The following MAGI1 variants were observed in gnomAD, a reference collection of about 807,000 sequenced individuals.
The protein encoded by MAGI1 is membrane associated guanylate kinase, WW and PDZ domain containing 1.
A neutral mutation model predicts 139.9 loss-of-function variants in MAGI1; 58 were observed. The observed-to-expected ratio is 0.41, with a 90% CI of 0.34 to 0.52. MAGI1 has a LOEUF of 0.52. Among genes scored for constraint, MAGI1 ranks in the 20% least tolerant of loss-of-function variants. The pLI, the probability that MAGI1 is intolerant of heterozygous loss-of-function variation, is 0.12. For synonymous variants in MAGI1, 812 were observed against 737.9 expected (o/e 1.10, Z -1.63); for missense variants, 1,874 against 1,901.6 (o/e 0.99, Z 0.27).
At chr3:65,851,648 C>T (rs9872958) in intron 1 of MAGI1, among the ~76,000 whole-genome samples, 1 of 152,074 alleles carries the variant, frequency 6.6e-6, no homozygotes, top group Non-Finnish European at 1.5e-5. Flanking sequence ...ACTCAGGAGG[C>T]TGAGGTAGGA....
chr3:65,542,246 G>T (rs1379382238), intron 2 of MAGI1, among the ~76,000 whole-genome samples: 1 of 152,058 alleles, frequency 6.6e-6, no homozygotes, highest in African/African-American at 2.4e-5. Context: ...AGAATTACAA[G>T]CCACTGCTCA....
intron 1 of MAGI1, among the ~76,000 whole-genome samples, chr3:65,822,868 C>A (rs2042022954): frequency 6.6e-6 from 1 of 152,204 alleles, no homozygotes. Context: ...ATTGCTGAAC[C>A]TGCATGATCC....
At chr3:65,529,972 T>G (rs1367373787) in intron 2 of MAGI1, among the ~76,000 whole-genome samples, 1 of 152,176 alleles carries the variant, frequency 6.6e-6, no homozygotes, top group African/African-American at 2.4e-5. Context: ...TGGAATGTCT[T>G]AAATGACTTT....
At chr3:65,703,751 G>C (rs551113088) in intron 1 of MAGI1, among the ~76,000 whole-genome samples, 1 of 152,162 alleles carries the variant, frequency 6.6e-6, no homozygotes, top group African/African-American at 2.4e-5. Context: ...GGATGCCTGC[G>C]GGAGAGAAGG....
intron 1 of MAGI1, among the ~76,000 whole-genome samples, chr3:65,669,963 C>T (rs527351740): frequency 6.6e-6 from 1 of 152,278 alleles, no homozygotes; most frequent in Non-Finnish European, 1.5e-5. Flanking sequence ...TCTTCAACAT[C>T]ATCTCATCTT....
At chr3:65,749,507 TTGG>T (rs1403223042) in intron 1 of MAGI1, among the ~76,000 whole-genome samples, 1 of 151,872 alleles carries the variant, frequency 6.6e-6, no homozygotes, top group Non-Finnish European at 1.5e-5. Context: ...ACAATGGACT[TTGG>T]GGACTCAAGG....
intron 1 of MAGI1, among the ~76,000 whole-genome samples, chr3:65,799,139 T>C (rs915238370): frequency 6.6e-5 from 10 of 152,252 alleles, no homozygotes; most frequent in African/African-American, 2.4e-4. Context: ...TATGCTGAGG[T>C]TGCTGAGCTC....
At chr3:65,647,581 G>C (rs746523266) in intron 1 of MAGI1, among the ~76,000 whole-genome samples, 2 of 152,098 alleles carry the variant, frequency 1.3e-5, no homozygotes, top group Non-Finnish European at 2.9e-5. Flanking sequence ...TTATTCCAGG[G>C]ATGCAAGGTT....
rs201975771 is a variant in MAGI1 at position 65,356,777 on chromosome 3, G to A, written c.3990C>T (p.Thr1330=). Residue 1330 remains threonine (T), a synonymous_variant, in exon 23 of 23, where the codon ACC becomes ACT. Coordinates refer to ENST00000402939, the MANE Select transcript of MAGI1 (RefSeq NM_001033057.2). ...TCTCCAAAGTGTTGTCGGCGCTGCG[G>A]GTGCCCTCCCTCCGCTTCTCTGGGG... ...RRSPEKRREG[T]RSADNTLERR... 11 of 1,607,848 alleles carry A rather than the reference G, an allele frequency of 6.8e-6. No homozygotes were observed. The highest frequency in any genetic ancestry group is 1.7e-4 in the Middle Eastern group (1 of 6,016).
intron 5 of MAGI1, among the ~76,000 whole-genome samples, chr3:65,463,646 G>C (rs1949975090): frequency 6.6e-6 from 1 of 151,222 alleles, no homozygotes. Flanking sequence ...CTCACAAAAA[G>C]AGTTAGGGTG....
At chr3:65,454,736 C>A (rs1949279767) in intron 5 of MAGI1, among the ~76,000 whole-genome samples, 1 of 70,992 alleles carries the variant, frequency 1.4e-5, no homozygotes, top group African/African-American at 1.5e-4. Flanking sequence ...AAAAAAAAAA[C>A]ATATGGCTTA....
intron 1 of MAGI1, among the ~76,000 whole-genome samples, chr3:66,003,276 T>C (rs548634499): frequency 7.2e-5 from 11 of 152,148 alleles, no homozygotes; most frequent in Admixed American, 1.3e-4. Context: ...CACCTCCCCA[T>C]GTGGAGACAA....
At chr3:65,472,614 G>T (rs533881210) in intron 4 of MAGI1, among the ~76,000 whole-genome samples, 1 of 152,286 alleles carries the variant, frequency 6.6e-6, no homozygotes, top group African/African-American at 2.4e-5. Flanking sequence ...CAGCTCTTAG[G>T]ACAGGTGTTG....
intron 2 of MAGI1, among the ~76,000 whole-genome samples, chr3:65,603,819 A>G (rs2082599673): frequency 6.6e-6 from 1 of 152,190 alleles, no homozygotes; most frequent in South Asian, 2.1e-4. Flanking sequence ...TCCTTCCAAG[A>G]TGGCGCCCTG....
intron 5 of MAGI1, among the ~76,000 whole-genome samples, chr3:65,461,589 C>T (rs11709974): frequency 0.13 from 19,289 of 150,402 alleles, 1,488 homozygotes; most frequent in Middle Eastern, 0.18. Flanking sequence ...CCCGGGTTCA[C>T]GCCATTCTCC....
Position 65,705,129 on chromosome 3 carries a change from T to G in MAGI1, c.314-83041A>C, listed in dbSNP as rs578044116. On this transcript the variant is annotated intron_variant, in intron 1 of 22. Coordinates refer to ENST00000402939, the MANE Select transcript of MAGI1 (RefSeq NM_001033057.2). ...GATTTTGCAAAAACTCTCATTGTCA[T>G]GGTTTTAAGTCAAACTAAGTTCTTA... Among the ~76,000 whole-genome samples, 3 of 152,226 alleles carry G rather than the reference T, an allele frequency of 2.0e-5. No individual in the cohort carries two copies. In the South Asian group the frequency reaches 6.2e-4, roughly 32 times the overall value.
At position 65,758,314 on chromosome 3, in the gene MAGI1, T is replaced by C. The variant is rs991685234; in HGVS notation, c.314-136226A>G. On this transcript the variant is annotated intron_variant, in intron 1 of 22. Transcript: ENST00000402939. ...GGAGAAAGAGAAAGGTCATTCGTCC[T>C]TTTCAAAGATGCTTACTTACACTGT... is the stretch of plus-strand genomic sequence containing the variant. Among the ~76,000 whole-genome samples, 25 of 152,302 alleles carry C rather than the reference T, an allele frequency of 1.6e-4. 1 individual carries two copies. Among genetic ancestry groups the C allele is most frequent in the African/African-American group, 4.8e-4 (20 of 41,570 alleles).
chr3:65,441,496 G>C (rs937567975), intron 8 of MAGI1, among the ~76,000 whole-genome samples: 27 of 152,160 alleles, frequency 1.8e-4, no homozygotes, highest in Non-Finnish European at 4.4e-5. Flanking sequence ...ACATGAATCT[G>C]AAAAGACAGA....
chr3:65,805,449 C>T lies in MAGI1; in HGVS notation c.314-183361G>A, dbSNP rs576937076. On this transcript the variant is annotated intron_variant, in intron 1 of 22. Transcript: ENST00000402939. Reference sequence around the variant, plus strand: ...AAAGTCAAGAAACAAGAGACGCTGGCGAGGCTGTGGAGAAACAGGAATGCT... The same window carrying T: ...AAAGTCAAGAAACAAGAGACGCTGGTGAGGCTGTGGAGAAACAGGAATGCT... Among the ~76,000 whole-genome samples, 9 of 152,206 alleles carry T rather than the reference C, an allele frequency of 5.9e-5. 1 individual carries two copies. The highest frequency in any genetic ancestry group is 2.1e-4 in the South Asian group (1 of 4,818).
Sources: allele counts gnomAD v4.1 joint callset (sites outside exome capture counted in the v4.1 genomes callset), GRCh38; gene constraint gnomAD v4.1.1; transcripts MANE v1.5; gene names NCBI Gene and HGNC (gene_info 2026-07-23, HGNC 2026-07-21).